HAUS3: variants seen among roughly 807,000 people sequenced by gnomAD.
HAUS3 encodes the protein HAUS augmin-like complex subunit 3.
In HAUS3, 36 loss-of-function variants were observed where a neutral mutation model predicts 55.2. The ratio of observed to expected loss-of-function variants is 0.65; its 90% confidence interval spans 0.50 to 0.86. The LOEUF (loss-of-function observed/expected upper bound fraction) is 0.86. Among genes scored for constraint, HAUS3 ranks in the 40% least tolerant of loss-of-function variants. HAUS3 has a pLI of 0.00. For synonymous variants in HAUS3, 234 were observed against 238.6 expected (o/e 0.98, Z 0.18); for missense variants, 752 against 671.5 (o/e 1.12, Z -1.33).
intron 3 of HAUS3, 96 bp downstream of exon 3, chr4:2,239,942 C>T (rs1462005270): frequency 2.0e-5 from 18 of 895,114 alleles, no homozygotes; most frequent in Non-Finnish European, 2.8e-5. Context: ...AATCTCTTCT[C>T]AGATGCACCA....
At chr4:2,232,857 C>T (rs186974765) in intron 5 of HAUS3, among the ~76,000 whole-genome samples, 35 of 152,274 alleles carry the variant, frequency 2.3e-4, no homozygotes, top group Non-Finnish European at 4.7e-4. Context: ...TAGCCAGTAT[C>T]ACCAAAGAGG....
intron 2 of HAUS3, 131 bp downstream of exon 2, chr4:2,241,384 GTTTTT>G: frequency 3.8e-6 from 2 of 522,972 alleles, no homozygotes; most frequent in Non-Finnish European, 4.9e-6. Context: ...AGCAGCATTT[GTTTTT>G]AATTCAAAAT....
At chr4:2,235,115 AC>A (rs1412501046) in intron 5 of HAUS3, among the ~76,000 whole-genome samples, 1 of 152,154 alleles carries the variant, frequency 6.6e-6, no homozygotes, top group African/African-American at 2.4e-5. Flanking sequence ...TGAACTCCTG[AC>A]CTTGTGATCC....
chr4:2,240,042 C>G lies in HAUS3; in HGVS notation c.905G>C (p.Ser302Thr). Reference protein sequence around the residue: ...WAEESLHSLTSKAVDKENLDA... With the variant: ...WAEESLHSLTTKAVDKENLDA... ...AATCTCATTTCTTATGCTTACCTTG[C>G]TGGTTAGGCTGTGAAGACTCTCCTC... The change falls in exon 3 of 6, where the codon AGC becomes ACC. Residue 302 changes from serine (S) to threonine (T), a missense_variant. Ser to Thr is a moderately conservative substitution (Grantham distance 58, BLOSUM62 1). Transcript: ENST00000443786. 1 of 1,610,144 alleles carries G rather than the reference C, an allele frequency of 6.2e-7. No homozygotes were observed. The highest frequency in any genetic ancestry group is 8.5e-7 in the Non-Finnish European group (1 of 1,177,948).
Position 2,230,723 on chromosome 4 carries a change from A to G in HAUS3, c.*1204T>C, listed in dbSNP as rs562073310. 2 of 152,258 alleles carry G rather than the reference A, an allele frequency of 1.3e-5. No homozygotes were observed. Among genetic ancestry groups the G allele is most frequent in the East Asian group, 3.9e-4 (2 of 5,192 alleles). 9.4% of individuals were successfully genotyped at this position (152,258 alleles called of 1,614,324 possible). ...CATGTAGTTTTTAGATTGGCATTCC[A>G]TATTACGAACAGGTGAGGAATATTC... On this transcript the variant is annotated 3_prime_UTR_variant, in exon 6 of 6. Transcript: ENST00000443786.
rs1211955696 is a variant in HAUS3 at position 2,240,509 on chromosome 4, T to C, written c.438A>G (p.Lys146=). ...RLNAKEEEAT[K]KLKQSQGILN... ...GAATTCCTTGACTCTGCTTCAGCTT[T>C]TTAGTGGCTTCTTCTTCTTTAGCAT... Residue 146 remains lysine (K), a synonymous_variant, in exon 3 of 6, where the codon AAA becomes AAG. Transcript: ENST00000443786. 6.2e-7 allele frequency: 1 copy of C among 1,613,826 alleles called. No homozygotes were observed. The highest frequency in any genetic ancestry group is 8.5e-7 in the Non-Finnish European group (1 of 1,179,996).
chr4:2,232,993 T>C (rs1448381437), intron 5 of HAUS3, among the ~76,000 whole-genome samples: 2 of 152,160 alleles, frequency 1.3e-5, no homozygotes. Context: ...CCCACTAGAC[T>C]AAATTACTTA....
At position 2,231,935 on chromosome 4, in the gene HAUS3, CAA is replaced by C. The variant is rs1734593205; in HGVS notation, c.1802_1803del (p.Leu601ArgfsTer9). 7.6e-7 allele frequency: 1 copy of C among 1,313,350 alleles called. No individual in the cohort carries two copies. Among genetic ancestry groups the C allele is most frequent in the Admixed American group, 2.1e-5 (1 of 48,196 alleles). The allele number at this position is 1,313,350 out of a possible 1,614,324, so 81.4% of individuals were successfully genotyped here. Reference protein sequence around the residue: ...ETQSKIKAVSLED With the variant: ...ETQSKIKAVSXED ...TCAGTTTTCAGTAATTTTCAATCTT[CAA>C]GACTAACAGCCTTAATCTTTGATTG... On this transcript the variant is annotated frameshift_variant, in exon 6 of 6. Coordinates refer to ENST00000443786, the MANE Select transcript of HAUS3 (RefSeq NM_001303143.2). LOFTEE classifies it high-confidence loss of function.
intron 3 of HAUS3, among the ~76,000 whole-genome samples, chr4:2,239,573 C>G (rs1221463043): frequency 6.6e-6 from 1 of 152,190 alleles, no homozygotes; most frequent in Non-Finnish European, 1.5e-5. Flanking sequence ...AGAGTGCAGA[C>G]AGACATCTGC....
Position 2,242,059 on chromosome 4 carries a change from G to C in HAUS3, c.-427C>G, listed in dbSNP as rs1286021021. On this transcript the variant is annotated 5_prime_UTR_variant, in exon 1 of 6. Coordinates refer to ENST00000443786, the MANE Select transcript of HAUS3 (RefSeq NM_001303143.2). ...AGGCCCGCGTCAGTCACCTCAGGAAGTTCCGCTTGCTTCTCGCAGGAGCCC... is the reference window on the plus strand; with the variant it reads ...AGGCCCGCGTCAGTCACCTCAGGAACTTCCGCTTGCTTCTCGCAGGAGCCC... 9.1e-6 allele frequency: 9 copies of C among 985,644 alleles called. No individual in the cohort carries two copies. The highest frequency in any genetic ancestry group is 1.1e-5 in the Non-Finnish European group (9 of 830,176). The allele number at this position is 985,644 out of a possible 1,614,324, so 61.1% of individuals were successfully genotyped here.
rs1388018747 is a variant in HAUS3, at chr4:2,230,587, C to T, written c.*1340G>A. On this transcript the variant is annotated 3_prime_UTR_variant, in exon 6 of 6. Transcript: ENST00000443786. ...TAAATAACATAAACACAATAATTGG[C>T]AAAATATTTTTGTTCAATGGGTTTC... 1 of 151,238 alleles carries T rather than the reference C, an allele frequency of 6.6e-6. No individual in the cohort carries two copies. Among genetic ancestry groups the T allele is most frequent in the Non-Finnish European group, 1.5e-5 (1 of 67,888 alleles). The allele number at this position is 151,238 out of a possible 1,614,324, so 9.4% of individuals were successfully genotyped here. A position where few individuals can be genotyped will look rare whatever the true frequency, so the allele number is the denominator to read the frequency against.
In HAUS3 at chr4:2,228,395, C is replaced by G. The variant is rs576608318; in HGVS notation, c.*3532G>C. On this transcript the variant is annotated 3_prime_UTR_variant, in exon 6 of 6. Coordinates refer to ENST00000443786, the MANE Select transcript of HAUS3 (RefSeq NM_001303143.2). ...AGATAGAGTCTCACTCTGTCGCCCA[C>G]GCTGGAGACCTCAGCTCACTGCAAG... 1 of 263,434 alleles carries G rather than the reference C, an allele frequency of 3.8e-6. No homozygotes were observed. Among genetic ancestry groups the G allele is most frequent in the Non-Finnish European group, 7.4e-6 (1 of 135,236 alleles). The allele number at this position is 263,434 out of a possible 1,614,324, so 16.3% of individuals were successfully genotyped here.
chr4:2,240,298 A>G lies in HAUS3; in HGVS notation c.649T>C (p.Tyr217His). The G allele has an allele frequency of 1.9e-6, 3 of 1,611,326 alleles. No homozygotes were observed. The highest frequency in any genetic ancestry group is 2.5e-6 in the Non-Finnish European group (3 of 1,178,276). Reference protein sequence around the residue: ...EEQSTAALTLYTKKQFFQGIH... With the variant: ...EEQSTAALTLHTKKQFFQGIH... The stretch of plus-strand genomic sequence containing the variant: ...CCCTGAAAGAACTGTTTTTTGGTAT[A>G]CAAAGTTAATGCTGCTGTGCTTTGC... The change falls in exon 3 of 6, where the codon TAT becomes CAT. Residue 217 changes from tyrosine to histidine, a missense_variant. Physicochemically the swap from Tyr to His is moderately conservative, Grantham distance 83 (BLOSUM62 2). Transcript: ENST00000443786.
In HAUS3 at chr4:2,238,314, A is replaced by G. The variant is rs1734839184; in HGVS notation, c.1349+290T>C. On this transcript the variant is annotated intron_variant, in intron 4 of 5. Coordinates refer to ENST00000443786, the MANE Select transcript of HAUS3 (RefSeq NM_001303143.2). ...TTCAAACTTCCTGCCCCAAATCTAAAATAAGGTATATAAATAATGATGCCT... is the reference window on the plus strand; with the variant it reads ...TTCAAACTTCCTGCCCCAAATCTAAGATAAGGTATATAAATAATGATGCCT... Among the ~76,000 whole-genome samples, 6 of 152,272 alleles carry G rather than the reference A, an allele frequency of 3.9e-5. 1 individual carries two copies. In the Middle Eastern group the frequency reaches 0.017, roughly 432 times the overall value.
In HAUS3 at chr4:2,241,676, C is replaced by A. The variant is rs992069218; in HGVS notation, c.-304G>T. The stretch of plus-strand genomic sequence containing the variant: ...AGCCCCGACGCCAGGGCCGCGCGAA[C>A]CCCAGAGGCAGCGGCAAGCCCCAGG... On this transcript the variant is annotated 5_prime_UTR_variant, in exon 2 of 6. Coordinates refer to ENST00000443786, the MANE Select transcript of HAUS3 (RefSeq NM_001303143.2). The A allele has an allele frequency of 5.2e-5, 51 of 985,386 alleles. No individual in the cohort carries two copies. The highest frequency in any genetic ancestry group is 6.1e-5 in the Non-Finnish European group (51 of 829,954). The allele number at this position is 985,386 out of a possible 1,614,324, so 61.0% of individuals were successfully genotyped here.
chr4:2,233,863 A>G (rs1288869083), intron 5 of HAUS3, among the ~76,000 whole-genome samples: 1 of 152,234 alleles, frequency 6.6e-6, no homozygotes. Context: ...AGACACTTAT[A>G]TAGTGCTGGT....
Position 2,241,519 on chromosome 4 carries a change from CCTCAACGT to C in HAUS3, c.-155_-148del. On this transcript the variant is annotated splice_region_variant and 5_prime_UTR_variant, in exon 2 of 6. Coordinates refer to ENST00000443786, the MANE Select transcript of HAUS3 (RefSeq NM_001303143.2). ...CTTCTGAAGATCAACTAAATATTTA[CCTCAACGT>C]CTCGCCGGGCAAGGCTCCACCTCCA... The C allele has an allele frequency of 1.0e-6, 1 of 985,986 alleles. No homozygotes were observed. The highest frequency in any genetic ancestry group is 1.2e-6 in the Non-Finnish European group (1 of 830,332). 61.1% of individuals were successfully genotyped at this position (985,986 alleles called of 1,614,324 possible). A position where few individuals can be genotyped will look rare whatever the true frequency, so the allele number is the denominator to read the frequency against.
intron 4 of HAUS3, among the ~76,000 whole-genome samples, chr4:2,237,497 G>A (rs1019201303): frequency 2.6e-5 from 4 of 151,630 alleles, no homozygotes; most frequent in African/African-American, 9.7e-5. Context: ...AAAGGGAGAG[G>A]AAGGAAGGGA....
chr4:2,236,134 G>T (rs1040524714), intron 5 of HAUS3, 94 bp downstream of exon 5: 2 of 671,176 alleles, frequency 3.0e-6, no homozygotes, highest in African/African-American at 3.6e-5. Context: ...ATGAAATTGG[G>T]GTAATATTTT....
Sources: allele counts gnomAD v4.1 joint callset (sites outside exome capture counted in the v4.1 genomes callset), GRCh38; gene constraint gnomAD v4.1.1; transcripts MANE v1.5; gene names NCBI Gene and HGNC (gene_info 2026-07-23, HGNC 2026-07-21).